SPAG9: variants seen among roughly 807,000 people sequenced by gnomAD.
SPAG9 encodes the protein C-Jun-amino-terminal kinase-interacting protein 4.
SPAG9 carries 35 observed loss-of-function variants against 166.5 expected under a neutral mutation model. That is an observed-to-expected ratio of 0.21 (90% confidence interval 0.16 to 0.28). The LOEUF is 0.28. Ranked by LOEUF, SPAG9 falls within the 10% of genes least tolerant of loss-of-function variation. SPAG9 has a pLI of 1.00. For synonymous variants in SPAG9, 534 were observed against 565.5 expected (o/e 0.94, Z 0.79); for missense variants, 1,235 against 1,603.3 (o/e 0.77, Z 3.92).
intron 27 of SPAG9, chr17:50,975,731 C>G: frequency 1.6e-6 from 1 of 609,752 alleles, no homozygotes; most frequent in Non-Finnish European, 2.8e-6. Flanking sequence ...AAAAAGACAC[C>G]TGCTGCGATG....
intron 18 of SPAG9, among the ~76,000 whole-genome samples, chr17:50,994,288 C>T (rs1208024533): frequency 2.6e-5 from 4 of 152,138 alleles, no homozygotes; most frequent in Non-Finnish European, 5.9e-5. Context: ...TTGCTGCCAC[C>T]ATGTAAGAAG....
intron 15 of SPAG9, 27 bp from the exon 16 acceptor site, chr17:50,996,721 T>G (rs1275966618): frequency 1.9e-6 from 3 of 1,611,024 alleles, no homozygotes; most frequent in Non-Finnish European, 2.5e-6. Context: ...TTTTCCTAAT[T>G]ACATGAATAC....
chr17:50,989,734 A>C lies in SPAG9; in HGVS notation c.2756T>G (p.Phe919Cys). 6.2e-7 allele frequency: 1 copy of C among 1,614,160 alleles called. No individual in the cohort carries two copies. Among genetic ancestry groups the C allele is most frequent in the Non-Finnish European group, 8.5e-7 (1 of 1,180,028 alleles). The part of the protein sequence containing the change: ...SQTGVYTEHV[F>C]TDPLGVQIPE... ...GATCTGAACTCCCAAAGGATCTGTA[A>C]AGACATGCTCTGTGTAGACGCCAGT... Residue 919 changes from phenylalanine (F) to cysteine (C), a missense_variant, in exon 21 of 30, where the codon TTT becomes TGT. Phe to Cys is a radical substitution (Grantham distance 205). This residue lies in a region of SPAG9 where 493 missense variants were observed against 559.4 expected (regional missense o/e 0.88). Coordinates refer to ENST00000262013, the MANE Select transcript of SPAG9 (RefSeq NM_001130528.3).
At chr17:51,075,195 C>CAAAAAAAAAAAAAAAAA (rs57533555) in intron 2 of SPAG9, among the ~76,000 whole-genome samples, 5 of 28,956 alleles carry the variant, frequency 1.7e-4, no homozygotes, top group African/African-American at 2.5e-4. Context: ...GACTCCATCT[C>CAAAAAAAAAAAAAAAAA]AAAAAAAAAA....
chr17:50,999,891 T>C (rs920031834), intron 13 of SPAG9, among the ~76,000 whole-genome samples, 174 bp from the exon 14 acceptor site: 2 of 152,220 alleles, frequency 1.3e-5, no homozygotes, highest in Non-Finnish European at 1.5e-5. Context: ...CTGCTAAAGA[T>C]TGACTTTAAT....
chr17:51,100,873 T>C (rs956550880), intron 1 of SPAG9, among the ~76,000 whole-genome samples: 1 of 151,298 alleles, frequency 6.6e-6, no homozygotes, highest in Non-Finnish European at 1.5e-5. Context: ...TGAGCCAAGA[T>C]TGCGCCATTG....
At chr17:51,037,665 T>TTTTATATATATATATATATATATATA (rs1239466619) in intron 5 of SPAG9, among the ~76,000 whole-genome samples, 2 of 92,912 alleles carry the variant, frequency 2.2e-5, no homozygotes, top group African/African-American at 7.4e-5. Context: ...TATATGTGTT[T>TTTTATATATATATATATATATATATA]TATATATATA....
chr17:51,080,144 CAT>C (rs966004028), intron 1 of SPAG9, among the ~76,000 whole-genome samples: 6 of 152,254 alleles, frequency 3.9e-5, no homozygotes, highest in African/African-American at 1.4e-4. Context: ...AAGAAAAGGA[CAT>C]GTCCTAGGAA....
chr17:51,115,058 T>G (rs2049245204), intron 1 of SPAG9, among the ~76,000 whole-genome samples: 1 of 152,152 alleles, frequency 6.6e-6, no homozygotes, highest in Non-Finnish European at 1.5e-5. Flanking sequence ...TTCATACACT[T>G]CCAAAGACAA....
intron 23 of SPAG9, 26 bp downstream of exon 23, chr17:50,985,672 A>G (rs1974997626): frequency 1.5e-6 from 2 of 1,366,876 alleles, no homozygotes; most frequent in South Asian, 2.4e-5. Context: ...AGTTTTAACA[A>G]GAAGAATTTC....
At chr17:51,023,775 G>C (rs1024942692) in intron 6 of SPAG9, among the ~76,000 whole-genome samples, 1 of 151,858 alleles carries the variant, frequency 6.6e-6, no homozygotes, top group African/African-American at 2.4e-5. Flanking sequence ...AGCGATTCTC[G>C]TGCCTCAGTC....
intron 29 of SPAG9, among the ~76,000 whole-genome samples, chr17:50,968,341 A>G (rs1246901697): frequency 6.6e-6 from 1 of 152,174 alleles, no homozygotes; most frequent in Non-Finnish European, 1.5e-5. Flanking sequence ...TTACTGATCT[A>G]CAACACTATT....
intron 25 of SPAG9, 60 bp downstream of exon 25, chr17:50,982,464 C>G: frequency 6.8e-7 from 1 of 1,469,016 alleles, no homozygotes; most frequent in Admixed American, 2.1e-5. Context: ...TAATTATAGT[C>G]TAATAGTCTT....
intron 3 of SPAG9, among the ~76,000 whole-genome samples, chr17:51,051,788 TG>T (rs1250996601): frequency 6.6e-6 from 1 of 152,154 alleles, no homozygotes; most frequent in Non-Finnish European, 1.5e-5. Context: ...GCCTAGAATT[TG>T]GGGCAAATCA....
At chr17:50,987,289 A>AG in intron 21 of SPAG9, 52 bp from the exon 22 acceptor site, 1 of 1,528,882 alleles carries the variant, frequency 6.5e-7, no homozygotes, top group Non-Finnish European at 8.8e-7. Context: ...AACTATCGTT[A>AG]TAGTTTTCAG....
chr17:51,102,910 T>G (rs1222039985), intron 1 of SPAG9, among the ~76,000 whole-genome samples: 2 of 152,166 alleles, frequency 1.3e-5, no homozygotes, highest in East Asian at 3.8e-4. Flanking sequence ...TTCAGGCGTG[T>G]GTTGCTATAC....
chr17:51,073,892 G>A (rs1031417421), intron 2 of SPAG9, among the ~76,000 whole-genome samples: 2 of 152,076 alleles, frequency 1.3e-5, no homozygotes, highest in African/African-American at 4.8e-5. Flanking sequence ...CACAAGGTCA[G>A]GAGTTCGAGA....
At chr17:51,072,638 C>T (rs775217591) in intron 2 of SPAG9, among the ~76,000 whole-genome samples, 47 of 151,854 alleles carry the variant, frequency 3.1e-4, no homozygotes, top group Non-Finnish European at 6.0e-4. Flanking sequence ...GAGCCGAGAT[C>T]GCGCCACTGC....
chr17:50,991,361 A>C (rs1362034702), intron 19 of SPAG9, among the ~76,000 whole-genome samples: 1 of 152,148 alleles, frequency 6.6e-6, no homozygotes, highest in African/African-American at 2.4e-5. Flanking sequence ...TAAATGCCCC[A>C]AGTATATAGG....
Sources: gnomAD v4.1 joint callset for allele counts (sites outside exome capture counted in the v4.1 genomes callset) on GRCh38, gnomAD v4.1.1 for gene constraint, gnomAD v4.1.1 regional missense constraint, MANE v1.5 for transcripts, NCBI Gene and HGNC (gene_info 2026-07-23, HGNC 2026-07-21) for gene names.